PRDM16: variants seen among roughly 807,000 people sequenced by gnomAD.
PRDM16 encodes PR/SET domain 16.
In PRDM16, 23 loss-of-function variants were observed where a neutral mutation model predicts 110.6. The ratio of observed to expected loss-of-function variants is 0.21; its 90% confidence interval spans 0.15 to 0.29. The LOEUF (loss-of-function observed/expected upper bound fraction) is 0.29, where lower values mean the gene tolerates loss of function less well. Among genes scored for constraint, PRDM16 ranks in the 10% least tolerant of loss-of-function variants. The pLI, the probability that PRDM16 is intolerant of heterozygous loss-of-function variation, is 1.00. For missense variants in PRDM16, 1,615 were observed against 1,794.3 expected (o/e 0.90, Z 1.81); for synonymous variants, 799 against 781.8 (o/e 1.02, Z -0.37).
rs1209411837 is a variant in PRDM16, at chr1:3,324,209, C to T, written c.439-60943C>T. On this transcript the variant is annotated intron_variant, in intron 3 of 16. Coordinates refer to ENST00000270722, the MANE Select transcript of PRDM16 (RefSeq NM_022114.4). ...CCCCAGCCACTCTACAAAGTGGGTG[C>T]GGAGCAGGACTCCCACAGTGGGGCC... 2.6e-5 allele frequency among the ~76,000 whole-genome samples: 4 copies of T among 152,074 alleles called. No individual in the cohort carries two copies. The South Asian group carries it at 6.2e-4, about 24-fold the overall frequency.
rs114937684 is a variant in PRDM16, at chr1:3,194,490, G to A, written c.387+8016G>A. Among the ~76,000 whole-genome samples, 948 of 152,142 alleles carry A rather than the reference G, an allele frequency of 6.2e-3. 10 individuals are homozygous for A. The highest frequency in any genetic ancestry group is 0.021 in the African/African-American group (886 of 41,488). ...GACCATGGCAGGTGCTGGGGACCTC[G>A]GCTCAGGCTGGAGTCTCAGGGAGGG... On this transcript the variant is annotated intron_variant, in intron 2 of 16. Coordinates refer to ENST00000270722, the MANE Select transcript of PRDM16 (RefSeq NM_022114.4).
Position 3,418,567 on chromosome 1 carries a change from G to A in PRDM16, c.2862-100G>A, listed in dbSNP as rs1000181785. ...CTGGGATGGGTCCACCTGTGCATCA[G>A]GTGTGAGACCCCGAGCATTAGCTTG... On this transcript the variant is annotated intron_variant, in intron 11 of 16. Coordinates refer to ENST00000270722, the MANE Select transcript of PRDM16 (RefSeq NM_022114.4). 3.8e-6 allele frequency: 3 copies of A among 788,294 alleles called. No homozygotes were observed. In the Admixed American group the frequency reaches 6.0e-5, roughly 16 times the overall value. The allele number at this position is 788,294 out of a possible 1,614,324, so 48.8% of individuals were successfully genotyped here.
Position 3,410,491 on chromosome 1 carries a change from C to T in PRDM16, c.1187-893C>T, listed in dbSNP as rs1557660235. Reference sequence around the variant, plus strand: ...CCCGGGGTGACCTCCTATCCATGTCCACCTCCAGCCATCTCCAAAGGGTAG... The same window carrying T: ...CCCGGGGTGACCTCCTATCCATGTCTACCTCCAGCCATCTCCAAAGGGTAG... On this transcript the variant is annotated intron_variant, in intron 8 of 16. Coordinates refer to ENST00000270722, the MANE Select transcript of PRDM16 (RefSeq NM_022114.4). Among the ~76,000 whole-genome samples the T allele has an allele frequency of 2.6e-5, 4 of 152,320 alleles. 1 individual carries two copies. The highest frequency in any genetic ancestry group is 4.8e-5 in the African/African-American group (2 of 41,572).
chr1:3,408,555 T>G (rs983022186), intron 8 of PRDM16, among the ~76,000 whole-genome samples: 9 of 137,806 alleles, frequency 6.5e-5, no homozygotes, highest in Admixed American at 5.5e-4. Context: ...CATGAGCTGG[T>G]GCATGTGTCG....
chr1:3,188,521 G>A (rs904335192), intron 2 of PRDM16, among the ~76,000 whole-genome samples: 3 of 152,232 alleles, frequency 2.0e-5, no homozygotes, highest in Admixed American at 6.5e-5. Context: ...TCCTCACGGC[G>A]CACCTCCCGT....
At chr1:3,420,425 C>T (rs772615962) in intron 12 of PRDM16, among the ~76,000 whole-genome samples, 2 of 152,236 alleles carry the variant, frequency 1.3e-5, no homozygotes, top group East Asian at 1.9e-4. Flanking sequence ...CGTGTGTGCC[C>T]GCCGCATGTG....
chr1:3,386,717 G>T (rs879637400), intron 4 of PRDM16: 6 of 152,206 alleles, frequency 3.9e-5, no homozygotes, highest in Admixed American at 1.3e-4. Context: ...GGCTTGAGGC[G>T]CATAGAAGGA....
At chr1:3,145,028 C>T (rs551580954) in intron 1 of PRDM16, among the ~76,000 whole-genome samples, 3 of 152,192 alleles carry the variant, frequency 2.0e-5, no homozygotes, top group African/African-American at 4.8e-5. Context: ...TCTGCCCACT[C>T]GTCTTGGAAG....
intron 2 of PRDM16, among the ~76,000 whole-genome samples, chr1:3,197,096 G>T (rs531800496): frequency 6.6e-6 from 1 of 152,188 alleles, no homozygotes; most frequent in Non-Finnish European, 1.5e-5. Flanking sequence ...GCGCCCCCGG[G>T]CATGGAGTGA....
intron 3 of PRDM16, among the ~76,000 whole-genome samples, chr1:3,252,243 C>T (rs1021337016): frequency 6.6e-6 from 1 of 152,232 alleles, no homozygotes; most frequent in African/African-American, 2.4e-5. Context: ...TGAGTGCTCC[C>T]GGCTCCGAGG....
intron 1 of PRDM16, among the ~76,000 whole-genome samples, chr1:3,123,403 G>A (rs1557464476): frequency 6.6e-6 from 1 of 152,238 alleles, no homozygotes; most frequent in Non-Finnish European, 1.5e-5. Flanking sequence ...GGGGGGTGTG[G>A]GTGGCTGAGA....
At chr1:3,333,242 G>A (rs1029323650) in intron 3 of PRDM16, among the ~76,000 whole-genome samples, 1 of 152,190 alleles carries the variant, frequency 6.6e-6, no homozygotes, top group African/African-American at 2.4e-5. Context: ...AGGCCCTCGT[G>A]GGGGTGAAGG....
intron 1 of PRDM16, among the ~76,000 whole-genome samples, chr1:3,140,063 C>T (rs752830528): frequency 1.8e-4 from 27 of 152,244 alleles, no homozygotes; most frequent in South Asian, 6.2e-4. Context: ...GACAAAGTCA[C>T]GAGCGAGACT....
intron 1 of PRDM16, among the ~76,000 whole-genome samples, chr1:3,177,638 C>T (rs1299153929): frequency 6.6e-6 from 1 of 152,234 alleles, no homozygotes; most frequent in Non-Finnish European, 1.5e-5. Flanking sequence ...GAGCCAACGT[C>T]AGTGCTCTAT....
chr1:3,069,361 G>T lies in PRDM16; in HGVS notation c.37+65G>T. The T allele has an allele frequency of 2.6e-6, 2 of 779,916 alleles. No homozygotes were observed. Among genetic ancestry groups the T allele is most frequent in the Non-Finnish European group, 3.1e-6 (2 of 642,382 alleles). 48.3% of individuals were successfully genotyped at this position (779,916 alleles called of 1,614,324 possible). ...CCGGGCCGCCGGGCCGGGGCGCCCG[G>T]GCCAGGGGTGCGCGTCGGGGCGCGG... On this transcript the variant is annotated intron_variant, in intron 1 of 16. Transcript: ENST00000270722. This position sits in a 1 kb window ranked among gnomAD's most constrained non-coding sequence, Gnocchi z 6.1.
At chr1:3,153,542 C>T (rs912818746) in intron 1 of PRDM16, among the ~76,000 whole-genome samples, 3 of 152,194 alleles carry the variant, frequency 2.0e-5, no homozygotes, top group South Asian at 2.1e-4. Context: ...GCAGGAGAAA[C>T]GGGGCAAGGA....
At position 3,412,258 on chromosome 1, in the gene PRDM16, C is replaced by T. The variant is rs1480706485; in HGVS notation, c.2061C>T (p.Gly687=). The change falls in exon 9 of 17, where the codon GGC becomes GGT. Residue 687 remains glycine, a synonymous_variant. Transcript: ENST00000270722. ...ACGAGCAGCTGCTGACTGCAACGGGCGCCGCCGGGGACTCCATCAAGGCCA... is the reference window on the plus strand; with the variant it reads ...ACGAGCAGCTGCTGACTGCAACGGGTGCCGCCGGGGACTCCATCAAGGCCA... The part of the protein sequence containing the change: ...PPDEQLLTAT[G]AAGDSIKAIA... 7 of 1,612,268 alleles carry T rather than the reference C, an allele frequency of 4.3e-6. No individual in the cohort carries two copies. Among genetic ancestry groups the T allele is most frequent in the East Asian group, 4.5e-5 (2 of 44,824 alleles).
In PRDM16 at chr1:3,405,495, G is replaced by A. The variant is rs1208561696; in HGVS notation, c.1033G>A (p.Val345Met). 1 of 1,579,722 alleles carries A rather than the reference G, an allele frequency of 6.3e-7. No individual in the cohort carries two copies. The highest frequency in any genetic ancestry group is 8.6e-7 in the Non-Finnish European group (1 of 1,160,826). Reference sequence around the variant, plus strand: ...GCGCCAACGGCATCCGTCTCCCCAGGTGTTCACGGACCCCAGCAACCTTCA... The same window carrying A: ...GCGCCAACGGCATCCGTCTCCCCAGATGTTCACGGACCCCAGCAACCTTCA... ...KRFECENCVKVFTDPSNLQRH... is the reference protein window; with the variant it reads ...KRFECENCVKMFTDPSNLQRH... The change falls in exon 8 of 17, where the codon GTG becomes ATG. Residue 345 changes from valine to methionine, a missense_variant and splice_region_variant. Around this residue, in one of 5 missense-constraint regions of PRDM16, gnomAD observed 82 missense variants for 144.4 expected, o/e 0.57. Coordinates refer to ENST00000270722, the MANE Select transcript of PRDM16 (RefSeq NM_022114.4).
intron 3 of PRDM16, among the ~76,000 whole-genome samples, chr1:3,381,100 G>A (rs150181522): frequency 7.4e-4 from 113 of 152,240 alleles, no homozygotes; most frequent in African/African-American, 2.6e-3. Context: ...TGCTGGCTTC[G>A]GCCTTCTGCT....
Sources: gnomAD v4.1 joint callset for allele counts (sites outside exome capture counted in the v4.1 genomes callset) on GRCh38, gnomAD v4.1.1 for gene constraint, gnomAD v4.1.1 regional missense constraint, Gnocchi (gnomAD v3.1) non-coding constraint, MANE v1.5 for transcripts, NCBI Gene and HGNC (gene_info 2026-07-23, HGNC 2026-07-21) for gene names.